The following DGKG variants were observed in gnomAD, a reference collection of about 807,000 sequenced individuals.
The protein encoded by DGKG is diacylglycerol kinase gamma.
In DGKG, 78 loss-of-function variants were observed where a neutral mutation model predicts 105.3. The ratio of observed to expected loss-of-function variants is 0.74; its 90% CI spans 0.62 to 0.89. The LOEUF (loss-of-function observed/expected upper bound fraction) is 0.89, where lower values mean the gene tolerates loss of function less well. Among genes scored for constraint, DGKG ranks in the 40% least tolerant of loss-of-function variants. The pLI is 0.00. For missense variants in DGKG, 958 were observed against 1,020.1 expected, an observed-to-expected ratio of 0.94 and a Z score of 0.83; for synonymous variants, 346 against 367.1, an observed-to-expected ratio of 0.94 and a Z score of 0.66.
chr3:186,265,657 C>CTTTTTTTTTTTTTT lies in DGKG; in HGVS notation c.1210-365_1210-352dup, dbSNP rs68014632. Among the ~76,000 whole-genome samples, 40 of 77,384 alleles carry CTTTTTTTTTTTTTT rather than the reference C, an allele frequency of 5.2e-4. 1 individual carries two copies. Among genetic ancestry groups the CTTTTTTTTTTTTTT allele is most frequent in the African/African-American group, 1.9e-3 (37 of 19,576 alleles). 50.8% of individuals were successfully genotyped at this position (77,384 alleles called of 152,430 possible). A position where few individuals can be genotyped will look rare whatever the true frequency, so the allele number is the denominator to read the frequency against. On this transcript the variant is annotated intron_variant, in intron 13 of 24. Coordinates refer to ENST00000265022, the MANE Select transcript of DGKG (RefSeq NM_001346.3). ...TTGGCGACTTGGCTTTTCTTCCTTT[C>CTTTTTTTTTTTTTT]TTTTTTTTTTTTTTTTTTTTTTTTG...
At chr3:186,224,209 C>T (rs757496813) in intron 20 of DGKG, among the ~76,000 whole-genome samples, 6 of 152,202 alleles carry the variant, frequency 3.9e-5, no homozygotes, top group Non-Finnish European at 7.3e-5. Flanking sequence ...GATAAGCTCC[C>T]AATTCCTTGC....
At chr3:186,265,842 T>C (rs1019577524) in intron 13 of DGKG, among the ~76,000 whole-genome samples, 2 of 151,916 alleles carry the variant, frequency 1.3e-5, no homozygotes, top group African/African-American at 2.4e-5. Flanking sequence ...GCTAATTTTC[T>C]TGTATTTTTA....
intron 21 of DGKG, among the ~76,000 whole-genome samples, chr3:186,194,670 G>A (rs1718086415): frequency 6.6e-6 from 1 of 152,098 alleles, no homozygotes; most frequent in Admixed American, 6.5e-5. Flanking sequence ...GGCCAGATCG[G>A]AGGTGGAAGC....
At chr3:186,200,330 T>G (rs1718389877) in intron 21 of DGKG, among the ~76,000 whole-genome samples, 1 of 152,230 alleles carries the variant, frequency 6.6e-6, no homozygotes, top group South Asian at 2.1e-4. Context: ...TATTGTGCAC[T>G]GATTTTGTTC....
chr3:186,168,676 C>A (rs1416437425), intron 22 of DGKG, among the ~76,000 whole-genome samples: 1 of 152,030 alleles, frequency 6.6e-6, no homozygotes, highest in African/African-American at 2.4e-5. Flanking sequence ...GTGAAACCCC[C>A]TCTCTACCAA....
chr3:186,173,136 C>T (rs529140020), intron 22 of DGKG, among the ~76,000 whole-genome samples: 3 of 152,174 alleles, frequency 2.0e-5, no homozygotes, highest in Non-Finnish European at 4.4e-5. Flanking sequence ...TTAGGGCCCA[C>T]CCAAATAACC....
chr3:186,171,334 C>T (rs1363528692), intron 22 of DGKG, among the ~76,000 whole-genome samples: 3 of 152,054 alleles, frequency 2.0e-5, no homozygotes, highest in Non-Finnish European at 4.4e-5. Context: ...CAGGTTTGGC[C>T]AGAAGAAGGA....
intron 1 of DGKG, among the ~76,000 whole-genome samples, chr3:186,321,665 T>C (rs1204459899): frequency 3.3e-5 from 5 of 152,164 alleles, no homozygotes; most frequent in African/African-American, 4.8e-5. Context: ...TCCTGGAGCA[T>C]ATGAGCAGTG....
intron 21 of DGKG, among the ~76,000 whole-genome samples, chr3:186,199,608 G>A (rs1718351228): frequency 6.6e-6 from 1 of 152,054 alleles, no homozygotes; most frequent in Non-Finnish European, 1.5e-5. Flanking sequence ...CGCCTCCTGG[G>A]TTCAAGAGAT....
At chr3:186,225,377 C>A (rs1355924664) in intron 20 of DGKG, among the ~76,000 whole-genome samples, 1 of 150,916 alleles carries the variant, frequency 6.6e-6, no homozygotes, top group Non-Finnish European at 1.5e-5. Context: ...ATTTATAGCA[C>A]CAATAATTTG....
chr3:186,302,646 A>C (rs866531016), intron 3 of DGKG, among the ~76,000 whole-genome samples: 6 of 146,172 alleles, frequency 4.1e-5, no homozygotes, highest in African/African-American at 1.5e-4. Context: ...ATATCTATAT[A>C]TCTATATATC....
intron 20 of DGKG, among the ~76,000 whole-genome samples, chr3:186,220,020 T>C (rs962252750): frequency 1.3e-5 from 2 of 152,322 alleles, no homozygotes; most frequent in East Asian, 3.9e-4. Context: ...TGTAAAATAG[T>C]ATTTGTGCAT....
rs1718775598 is a variant in DGKG at position 186,206,949 on chromosome 3, A to G, written c.1917+4846T>C. ...TTTTTAGTAGAGATGAGGTTTTACC[A>G]TGTTGGCCAGGCTGGTCTCGAACTC... On this transcript the variant is annotated intron_variant, in intron 21 of 24. Coordinates refer to ENST00000265022, the MANE Select transcript of DGKG (RefSeq NM_001346.3). 3.3e-5 allele frequency among the ~76,000 whole-genome samples: 5 copies of G among 152,012 alleles called. No homozygotes were observed. In the South Asian group the frequency reaches 1.0e-3, roughly 32 times the overall value.
chr3:186,323,522 G>A (rs181412810), intron 1 of DGKG, among the ~76,000 whole-genome samples: 273 of 152,246 alleles, frequency 1.8e-3, no homozygotes, highest in African/African-American at 6.3e-3. Flanking sequence ...TGCTGGGTGC[G>A]GTGGCTTATG....
At chr3:186,316,411 T>A (rs1724822473) in intron 2 of DGKG, among the ~76,000 whole-genome samples, 1 of 152,246 alleles carries the variant, frequency 6.6e-6, no homozygotes, top group Admixed American at 6.5e-5. Flanking sequence ...GCTTGCATAT[T>A]TTGATATCTA....
At chr3:186,335,277 A>G (rs943026599) in intron 1 of DGKG, among the ~76,000 whole-genome samples, 4 of 152,122 alleles carry the variant, frequency 2.6e-5, no homozygotes, top group African/African-American at 9.7e-5. Context: ...GGGTTTCACC[A>G]TATTGGTTAG....
chr3:186,359,091 G>A (rs542706953), intron 1 of DGKG, among the ~76,000 whole-genome samples: 4 of 152,146 alleles, frequency 2.6e-5, no homozygotes, highest in Admixed American at 6.5e-5. Flanking sequence ...AAGAATGCTC[G>A]TGTGATGTGG....
rs1050519311 is a variant in DGKG at position 186,284,930 on chromosome 3, T to C, written c.545-221A>G. Among the ~76,000 whole-genome samples, 3 of 152,178 alleles carry C rather than the reference T, an allele frequency of 2.0e-5. No individual in the cohort carries two copies. The highest frequency in any genetic ancestry group is 4.4e-5 in the Non-Finnish European group (3 of 68,032). On this transcript the variant is annotated intron_variant, in intron 6 of 24. Coordinates refer to ENST00000265022, the MANE Select transcript of DGKG (RefSeq NM_001346.3). The surrounding 1 kb of genome is among the most constrained non-coding windows in gnomAD (Gnocchi z 4.0). ...CTTCTGGACCTGTCTAAGCAATACC[T>C]ATGTGGCTGATGAAGTCCAGGTCAT...
chr3:186,253,060 T>C, intron 18 of DGKG, 33 bp downstream of exon 18: 1 of 1,596,280 alleles, frequency 6.3e-7, no homozygotes. Context: ...GAACACCTGT[T>C]CCCAGGGTAC....
Sources: gnomAD v4.1 joint callset for allele counts (sites outside exome capture counted in the v4.1 genomes callset) on GRCh38, gnomAD v4.1.1 for gene constraint, Gnocchi (gnomAD v3.1) non-coding constraint, MANE v1.5 for transcripts, NCBI Gene and HGNC (gene_info 2026-07-23, HGNC 2026-07-21) for gene names.